Variants in CSTPP1 observed in about 807,000 individuals in gnomAD.
CSTPP1 encodes centriolar satellite-associated tubulin polyglutamylase complex regulator 1, also known as UPF0705 protein C11orf49.
chr11:47,162,024 A>G, the CSTPP1 span: 1 of 1,009,010 alleles, frequency 9.9e-7, no homozygotes, highest in Non-Finnish European at 1.2e-6. Flanking sequence ...GAGAACCCGA[A>G]TAGCCACGCA....
chr11:47,099,804 A>G, the CSTPP1 span, among the ~76,000 whole-genome samples: 1 of 152,232 alleles, frequency 6.6e-6, no homozygotes, highest in African/African-American at 2.4e-5. Flanking sequence ...TTGACTAGTT[A>G]TGTTGGTAGA....
At chr11:47,016,839 C>CTTTT in the CSTPP1 span, among the ~76,000 whole-genome samples, 129 of 99,838 alleles carry the variant, frequency 1.3e-3, no homozygotes, top group Non-Finnish European at 1.6e-3. Flanking sequence ...TCATTTAGTA[C>CTTTT]TTTTTTTTTT....
the CSTPP1 span, among the ~76,000 whole-genome samples, chr11:47,089,149 G>A: frequency 2.1e-4 from 32 of 152,226 alleles, no homozygotes; most frequent in Non-Finnish European, 3.8e-4. Flanking sequence ...CGCCTCCCCT[G>A]AGGGCAAGGA....
the CSTPP1 span, among the ~76,000 whole-genome samples, chr11:46,979,920 A>C: frequency 6.6e-6 from 1 of 152,186 alleles, no homozygotes; most frequent in African/African-American, 2.4e-5. Flanking sequence ...ACTTAAAATA[A>C]AAAAGATTCT....
chr11:47,086,246 A>AAAG, the CSTPP1 span, among the ~76,000 whole-genome samples: 1 of 148,090 alleles, frequency 6.8e-6, no homozygotes, highest in African/African-American at 2.5e-5. Flanking sequence ...AAAAAAAAAA[A>AAAG]AAAAAAAAAA....
the CSTPP1 span, chr11:46,936,895 G>C: frequency 1.2e-4 from 161 of 1,399,558 alleles, no homozygotes; most frequent in Non-Finnish European, 1.5e-4. Flanking sequence ...ACGTGCAGAC[G>C]AATTAGGCCA....
chr11:46,947,725 A>G, the CSTPP1 span, among the ~76,000 whole-genome samples: 29 of 152,286 alleles, frequency 1.9e-4, no homozygotes, highest in African/African-American at 4.8e-4. Flanking sequence ...CGTTAATACT[A>G]TTATCTAGCC....
chr11:47,123,877 G>A, the CSTPP1 span, among the ~76,000 whole-genome samples: 269 of 151,916 alleles, frequency 1.8e-3, no homozygotes, highest in African/African-American at 6.1e-3. Flanking sequence ...GCTTGAACCC[G>A]GGAGGCGGAC....
chr11:47,022,326 CA>C, the CSTPP1 span, among the ~76,000 whole-genome samples: 733 of 134,074 alleles, frequency 5.5e-3, 4 homozygotes, highest in Non-Finnish European at 7.2e-3. Flanking sequence ...TCCATTTCTT[CA>C]TACTATTTTC....
At chr11:47,067,297 AT>A in the CSTPP1 span, among the ~76,000 whole-genome samples, 1 of 152,120 alleles carries the variant, frequency 6.6e-6, no homozygotes, top group Non-Finnish European at 1.5e-5. Flanking sequence ...TAAAAATTTT[AT>A]TGTTTGGAGA....
At chr11:47,045,112 GAT>G in the CSTPP1 span, among the ~76,000 whole-genome samples, 1 of 152,210 alleles carries the variant, frequency 6.6e-6, no homozygotes, top group African/African-American at 2.4e-5. Context: ...CAGTTTGCTT[GAT>G]ATCAGTGATA....
the CSTPP1 span, chr11:47,156,000 CTG>C: frequency 6.6e-6 from 1 of 152,228 alleles, no homozygotes; most frequent in African/African-American, 2.4e-5. Context: ...AAATTGCTGA[CTG>C]TGTTCATAAA....
the CSTPP1 span, among the ~76,000 whole-genome samples, chr11:47,081,698 G>A: frequency 6.6e-6 from 1 of 152,276 alleles, no homozygotes; most frequent in Non-Finnish European, 1.5e-5. Flanking sequence ...ATTGGGGAGA[G>A]CATTTAAATT....
At chr11:47,133,033 ATACT>A in the CSTPP1 span, among the ~76,000 whole-genome samples, 2 of 152,368 alleles carry the variant, frequency 1.3e-5, no homozygotes, top group South Asian at 4.1e-4. Context: ...TGCAATGTTC[ATACT>A]GTCATTTCAT....
the CSTPP1 span, among the ~76,000 whole-genome samples, chr11:47,148,490 G>A: frequency 4.6e-5 from 7 of 152,170 alleles, no homozygotes; most frequent in African/African-American, 9.7e-5. Flanking sequence ...CCTCAAAGAA[G>A]TCCAGTCATG....
At chr11:47,070,008 C>T in the CSTPP1 span, among the ~76,000 whole-genome samples, 3 of 152,166 alleles carry the variant, frequency 2.0e-5, no homozygotes, top group Admixed American at 1.3e-4. Context: ...CCACCGCACC[C>T]GGCCGTTGTT....
At chr11:47,004,026 T>C in the CSTPP1 span, among the ~76,000 whole-genome samples, 1 of 152,164 alleles carries the variant, frequency 6.6e-6, no homozygotes, top group African/African-American at 2.4e-5. Context: ...AAGCTCCACT[T>C]TTCTGGGATT....
the CSTPP1 span, among the ~76,000 whole-genome samples, chr11:46,961,040 T>C: frequency 1.3e-5 from 2 of 152,210 alleles, no homozygotes; most frequent in Admixed American, 6.5e-5. Context: ...AACATCTGTA[T>C]ACAAGTTTTT....
the CSTPP1 span, among the ~76,000 whole-genome samples, chr11:47,101,268 A>G: frequency 1.4e-5 from 2 of 140,106 alleles, no homozygotes; most frequent in African/African-American, 5.4e-5. Flanking sequence ...TGATCCGCCC[A>G]CCTCAGCCTC....
Sources: gnomAD v4.1 joint callset for allele counts (sites outside exome capture counted in the v4.1 genomes callset) on GRCh38, gnomAD v4.1.1 for gene constraint, MANE v1.5 for transcripts, NCBI Gene and HGNC (gene_info 2026-07-23, HGNC 2026-07-21) for gene names.